The following NCALD variants were observed in gnomAD, a reference collection of about 807,000 sequenced individuals.
The protein encoded by NCALD is neurocalcin-delta.
In NCALD, 10 loss-of-function variants were observed where a neutral mutation model predicts 18.6. The ratio of observed to expected loss-of-function variants is 0.54; its 90% CI spans 0.33 to 0.91. The LOEUF is 0.91. Ranked by LOEUF, NCALD falls within the 40% of genes least tolerant of loss-of-function variation. The pLI is 0.03. For missense variants in NCALD, 184 were observed against 247.6 expected, an observed-to-expected ratio of 0.74 and a Z score of 1.72; for synonymous variants, 88 against 87.4, an observed-to-expected ratio of 1.01 and a Z score of -0.04.
At chr8:101,736,028 G>A (rs1809894644) in intron 1 of NCALD, among the ~76,000 whole-genome samples, 1 of 152,220 alleles carries the variant, frequency 6.6e-6, no homozygotes, top group African/African-American at 2.4e-5. Context: ...ATCTGGGCTA[G>A]CTGATAAGAA....
At chr8:102,051,615 AC>A (rs1823462428) in intron 1 of NCALD, among the ~76,000 whole-genome samples, 1 of 152,250 alleles carries the variant, frequency 6.6e-6, no homozygotes. Flanking sequence ...AAACTCATTT[AC>A]ATGGATGAAT....
chr8:101,870,879 T>C (rs1398996569), intron 4 of NCALD, among the ~76,000 whole-genome samples: 2 of 127,234 alleles, frequency 1.6e-5, no homozygotes, highest in Admixed American at 8.1e-5. Context: ...CAAGGGACTA[T>C]GCTCTACCAC....
At chr8:101,706,406 A>G (rs1242448565) in intron 2 of NCALD, among the ~76,000 whole-genome samples, 1 of 152,180 alleles carries the variant, frequency 6.6e-6, no homozygotes, top group Non-Finnish European at 1.5e-5. Flanking sequence ...ACATCTTAAT[A>G]GAGAGGTCCA....
At chr8:101,971,968 G>A (rs759458977) in intron 2 of NCALD, among the ~76,000 whole-genome samples, 54 of 152,244 alleles carry the variant, frequency 3.5e-4, no homozygotes, top group Non-Finnish European at 2.8e-4. Context: ...TCTGCAGCTG[G>A]GAGGTTGGGC....
At chr8:101,834,453 C>T (rs886435358) in intron 4 of NCALD, among the ~76,000 whole-genome samples, 1 of 152,240 alleles carries the variant, frequency 6.6e-6, no homozygotes, top group Admixed American at 6.5e-5. Flanking sequence ...GGCTAGGCCA[C>T]CGGATGGGCC....
At chr8:101,988,395 T>G (rs1343886939) in intron 2 of NCALD, among the ~76,000 whole-genome samples, 1 of 152,206 alleles carries the variant, frequency 6.6e-6, no homozygotes, top group Non-Finnish European at 1.5e-5. Flanking sequence ...GAACCCAGAC[T>G]TTAGAGCCAG....
chr8:101,987,931 G>A (rs1820877526), intron 2 of NCALD, among the ~76,000 whole-genome samples: 1 of 152,114 alleles, frequency 6.6e-6, no homozygotes, highest in East Asian at 1.9e-4. Context: ...GAGGCGGGCG[G>A]ATCACGAGGT....
At chr8:102,113,605 C>G (rs1190304533) in intron 1 of NCALD, among the ~76,000 whole-genome samples, 2 of 152,234 alleles carry the variant, frequency 1.3e-5, no homozygotes, top group Non-Finnish European at 2.9e-5. Context: ...TTAAGTCCCA[C>G]TTAAGTAGAA....
intron 2 of NCALD, among the ~76,000 whole-genome samples, chr8:101,998,782 G>A (rs960186230): frequency 2.6e-5 from 4 of 152,024 alleles, no homozygotes; most frequent in Non-Finnish European, 5.9e-5. Context: ...CAAACCCTCG[G>A]AGGCAGATTC....
intron 2 of NCALD, among the ~76,000 whole-genome samples, chr8:101,706,269 T>C (rs1815515955): frequency 6.6e-6 from 1 of 150,638 alleles, no homozygotes; most frequent in East Asian, 1.9e-4. Flanking sequence ...GGTGGAGGAG[T>C]GCCAAAGATG....
chr8:101,999,417 GA>G (rs1821362581), intron 2 of NCALD, among the ~76,000 whole-genome samples: 1 of 152,154 alleles, frequency 6.6e-6, no homozygotes, highest in African/African-American at 2.4e-5. Context: ...AGTAACTCAG[GA>G]ATGGAAAACC....
At chr8:101,718,935 T>C (rs534569776) in intron 2 of NCALD, among the ~76,000 whole-genome samples, 2 of 152,368 alleles carry the variant, frequency 1.3e-5, no homozygotes, top group Non-Finnish European at 2.9e-5. Flanking sequence ...CCACAACCAC[T>C]AATCATAATC....
At chr8:101,894,663 A>G (rs1476064853) in intron 3 of NCALD, among the ~76,000 whole-genome samples, 2 of 150,792 alleles carry the variant, frequency 1.3e-5, no homozygotes, top group African/African-American at 2.5e-5. Flanking sequence ...AGACACAATA[A>G]AAAATGATAA....
intron 4 of NCALD, among the ~76,000 whole-genome samples, chr8:101,816,733 A>T (rs1038488316): frequency 1.3e-5 from 2 of 152,184 alleles, no homozygotes; most frequent in African/African-American, 2.4e-5. Flanking sequence ...GATTCATGTC[A>T]TTACACATTT....
chr8:101,925,784 A>G (rs967316514), intron 2 of NCALD, among the ~76,000 whole-genome samples: 1 of 152,218 alleles, frequency 6.6e-6, no homozygotes, highest in Non-Finnish European at 1.5e-5. Flanking sequence ...GCATTTGACT[A>G]AATGAATGCA....
chr8:101,702,416 G>C lies in NCALD; in HGVS notation c.379-9520C>G, dbSNP rs564135460. On this transcript the variant is annotated intron_variant, in intron 2 of 3. Coordinates refer to ENST00000220931, the MANE Select transcript of NCALD (RefSeq NM_032041.3). ...ACACTGGGTAATTTTTTTTTGTAGA[G>C]ACAGAGTCTCACTATGTTGCCCAGG... 1.6e-4 allele frequency among the ~76,000 whole-genome samples: 24 copies of C among 151,876 alleles called. No homozygotes were observed. In the South Asian group the frequency reaches 1.9e-3, roughly 12 times the overall value.
At chr8:102,031,034 T>C (rs547009964) in intron 1 of NCALD, among the ~76,000 whole-genome samples, 186 of 152,016 alleles carry the variant, frequency 1.2e-3, no homozygotes, top group African/African-American at 4.1e-3. Context: ...TTAACCATTG[T>C]TAATATTACA....
chr8:101,849,867 T>C (rs185295018), intron 4 of NCALD, among the ~76,000 whole-genome samples: 3 of 152,334 alleles, frequency 2.0e-5, no homozygotes, highest in Admixed American at 2.0e-4. Flanking sequence ...AGACAATGAA[T>C]TCACACTGAA....
intron 4 of NCALD, among the ~76,000 whole-genome samples, chr8:101,835,193 C>A (rs907966189): frequency 7.9e-5 from 12 of 152,228 alleles, no homozygotes; most frequent in African/African-American, 2.9e-4. Context: ...CTCAACATTT[C>A]CATAGCTTCA....
Sources: allele counts gnomAD v4.1 joint callset (sites outside exome capture counted in the v4.1 genomes callset), GRCh38; gene constraint gnomAD v4.1.1; transcripts MANE v1.5; gene names NCBI Gene and HGNC (gene_info 2026-07-23, HGNC 2026-07-21).